RMDN2: variants seen among roughly 807,000 people sequenced by gnomAD.
The protein encoded by RMDN2 is regulator of microtubule dynamics 2.
Under a neutral mutation model 52.8 loss-of-function variants are expected in RMDN2, and 61 were observed. That is an observed-to-expected ratio of 1.16 (90% CI 0.94 to 1.43). The LOEUF (loss-of-function observed/expected upper bound fraction) is 1.43, where lower values mean the gene tolerates loss of function less well. Ranked by LOEUF, RMDN2 falls within the 40% of genes most tolerant of loss-of-function variation. RMDN2 has a pLI of 0.00. For synonymous variants in RMDN2, 180 were observed against 153.1 expected (o/e 1.18, Z -1.30); for missense variants, 592 against 475.3 (o/e 1.25, Z -2.28).
intron 2 of RMDN2, among the ~76,000 whole-genome samples, chr2:37,970,290 A>AT (rs1297848085): frequency 3.3e-5 from 5 of 151,996 alleles, no homozygotes; most frequent in Admixed American, 6.6e-5. Context: ...GGAAAAAAAA[A>AT]TTTTTTTGGT....
At chr2:38,010,447 G>A (rs538381044) in intron 10 of RMDN2, among the ~76,000 whole-genome samples, 1 of 152,332 alleles carries the variant, frequency 6.6e-6, no homozygotes, top group Non-Finnish European at 1.5e-5. Flanking sequence ...CTGCCTTGCA[G>A]TTTGATCTCA....
chr2:38,018,296 G>A (rs1679068099), downstream of RMDN2, among the ~76,000 whole-genome samples: 1 of 152,118 alleles, frequency 6.6e-6, no homozygotes. Context: ...AGAATATTTT[G>A]TCACTTGGGT....
intron 10 of RMDN2, among the ~76,000 whole-genome samples, chr2:38,051,667 C>G (rs1029570910): frequency 1.3e-5 from 2 of 152,176 alleles, no homozygotes; most frequent in Admixed American, 6.5e-5. Context: ...ACCAACCTCT[C>G]TTCATCCTCT....
Position 37,972,621 on chromosome 2 carries a change from A to G in RMDN2, c.453-1419A>G, listed in dbSNP as rs574413859. ...CTGAGTTATTCTTGCTACTCTGTTG[A>G]GAATAGAATATAAGGGTCAAGGACT... On this transcript the variant is annotated intron_variant, in intron 2 of 10. Coordinates refer to ENST00000354545, the MANE Select transcript of RMDN2 (RefSeq NM_001170791.3). 2.3e-4 allele frequency among the ~76,000 whole-genome samples: 35 copies of G among 152,294 alleles called. No individual in the cohort carries two copies. In the East Asian group the frequency reaches 6.7e-3, roughly 29 times the overall value.
At chr2:38,006,104 A>G (rs1273535273) in intron 10 of RMDN2, among the ~76,000 whole-genome samples, 1 of 152,162 alleles carries the variant, frequency 6.6e-6, no homozygotes, top group Non-Finnish European at 1.5e-5. Context: ...TGGTGACTGT[A>G]GCCTTGTAGT....
intron 10 of RMDN2, among the ~76,000 whole-genome samples, chr2:38,007,801 G>C (rs962095163): frequency 1.3e-5 from 2 of 152,028 alleles, no homozygotes; most frequent in Non-Finnish European, 2.9e-5. Flanking sequence ...TGATGTTAGG[G>C]TGTCAATCTT....
Position 37,974,021 on chromosome 2 carries a change from A to G in RMDN2, c.453-19A>G, listed in dbSNP as rs1265339884. On this transcript the variant is annotated intron_variant, in intron 2 of 10. Coordinates refer to ENST00000354545, the MANE Select transcript of RMDN2 (RefSeq NM_001170791.3). The stretch of plus-strand genomic sequence containing the variant: ...TACTTAACTTTCAAAGGAGTTGATG[A>G]TTATTTCTGCGATTTTAGGTATATT... 3.1e-6 allele frequency: 5 copies of G among 1,589,732 alleles called. No homozygotes were observed. Among genetic ancestry groups the G allele is most frequent in the East Asian group, 2.3e-5 (1 of 43,990 alleles).
intron 10 of RMDN2, among the ~76,000 whole-genome samples, chr2:38,008,045 G>A (rs573951003): frequency 2.0e-5 from 3 of 152,282 alleles, no homozygotes; most frequent in East Asian, 1.9e-4. Flanking sequence ...CTGAGTTCTA[G>A]TTTGATTGCA....
chr2:37,937,913 C>T (rs559564737), intron 2 of RMDN2, among the ~76,000 whole-genome samples: 3 of 152,222 alleles, frequency 2.0e-5, no homozygotes, highest in African/African-American at 7.2e-5. Context: ...CTGGGCAGAA[C>T]TTCCAGTGCT....
rs570232309 is a variant in RMDN2, at chr2:37,987,613, T to C, written c.792-1928T>C. Among the ~76,000 whole-genome samples the C allele has an allele frequency of 9.8e-5, 15 of 152,332 alleles. No individual in the cohort carries two copies. In the South Asian group the frequency reaches 2.9e-3, roughly 29 times the overall value. ...TTTTATGTAACACATTACAACAGTA[T>C]ACACATGTCATTATACATTTGTCAA... On this transcript the variant is annotated intron_variant, in intron 5 of 10. Transcript: ENST00000354545.
At chr2:37,993,599 G>A (rs1675112830) in intron 7 of RMDN2, among the ~76,000 whole-genome samples, 1 of 152,104 alleles carries the variant, frequency 6.6e-6, no homozygotes. Context: ...TGGTAAGCCA[G>A]CCTTGAAACC....
chr2:38,065,619 C>T (rs163086), intron 10 of RMDN2, among the ~76,000 whole-genome samples: 28,484 of 152,126 alleles, frequency 0.19, 2,802 homozygotes, highest in Middle Eastern at 0.23. Flanking sequence ...CTGGCCAGTG[C>T]TCACGGGCTC....
chr2:38,039,052 A>ACG lies in RMDN2; in HGVS notation c.1714-27929_1714-27928insGC, dbSNP rs1283425754. Among the ~76,000 whole-genome samples the ACG allele has an allele frequency of 1.3e-4, 7 of 54,852 alleles. No individual in the cohort carries two copies. In the East Asian group the frequency reaches 0.047, roughly 366 times the overall value. 36.0% of individuals were successfully genotyped at this position (54,852 alleles called of 152,430 possible). On this transcript the variant is annotated intron_variant, in intron 10 of 10. Coordinates refer to the RMDN2 transcript ENST00000234195. Reference sequence around the variant, plus strand: ...AGTTTAAAAGCCAGATGCTATACACACACACACACACACACACACACACAC... The same window carrying ACG: ...AGTTTAAAAGCCAGATGCTATACACACGCACACACACACACACACACACACAC...
chr2:37,934,831 CTT>C lies in RMDN2; in HGVS notation c.452+5104_452+5105del, dbSNP rs79655592. 1.4e-3 allele frequency among the ~76,000 whole-genome samples: 218 copies of C among 152,268 alleles called. 5 individuals are homozygous for C. In the East Asian group the frequency reaches 0.037, roughly 26 times the overall value. ...TTATTTTTTTAAGCTTCCTACCTCTCTTTGTCATATTTGACTTACGTTGCTCT... is the reference window on the plus strand; with the variant it reads ...TTATTTTTTTAAGCTTCCTACCTCTCTGTCATATTTGACTTACGTTGCTCT... On this transcript the variant is annotated intron_variant, in intron 2 of 10. Transcript: ENST00000354545.
chr2:38,010,850 C>A (rs1034998026), intron 10 of RMDN2, among the ~76,000 whole-genome samples: 2 of 152,204 alleles, frequency 1.3e-5, no homozygotes, highest in Non-Finnish European at 2.9e-5. Flanking sequence ...GCCATCTTGG[C>A]TCCACCCCAG....
chr2:37,990,677 A>C (rs1200230688), intron 6 of RMDN2, among the ~76,000 whole-genome samples: 1 of 152,116 alleles, frequency 6.6e-6, no homozygotes, highest in African/African-American at 2.4e-5. Context: ...TAGACAAATA[A>C]AGTAAGTAAT....
chr2:37,988,636 A>G (rs1305898813), intron 5 of RMDN2, among the ~76,000 whole-genome samples: 1 of 152,162 alleles, frequency 6.6e-6, no homozygotes, highest in East Asian at 1.9e-4. Flanking sequence ...TGAGATAAAT[A>G]ACATCCAAAG....
At chr2:37,960,940 C>T (rs971192509) in intron 2 of RMDN2, among the ~76,000 whole-genome samples, 7 of 152,158 alleles carry the variant, frequency 4.6e-5, no homozygotes, top group Admixed American at 1.3e-4. Flanking sequence ...ATTTCTCCTT[C>T]GCTTATGAAG....
intron 10 of RMDN2, among the ~76,000 whole-genome samples, chr2:38,054,184 G>T (rs1368369907): frequency 1.3e-5 from 2 of 152,068 alleles, no homozygotes; most frequent in East Asian, 3.9e-4. Flanking sequence ...ATTTGGGTTT[G>T]TTTTATGCGT....
Sources: gnomAD v4.1 joint callset for allele counts (sites outside exome capture counted in the v4.1 genomes callset) on GRCh38, gnomAD v4.1.1 for gene constraint, MANE v1.5 for transcripts, NCBI Gene and HGNC (gene_info 2026-07-23, HGNC 2026-07-21) for gene names.